Variants in PHRF1 observed in about 807,000 individuals in gnomAD.
PHRF1 encodes the protein PHD and ring finger domains 1.
In PHRF1, 53 loss-of-function variants were observed where a neutral mutation model predicts 128.9. That is an observed-to-expected ratio of 0.41 (90% CI 0.33 to 0.52). The LOEUF is 0.52. Ranked by LOEUF, PHRF1 falls within the 20% of genes least tolerant of loss-of-function variation. The pLI, the probability that PHRF1 is intolerant of heterozygous loss-of-function variation, is 0.21. For missense variants in PHRF1, 2,503 were observed against 2,284.5 expected (o/e 1.10, Z -1.95); for synonymous variants, 1,178 against 980.6 (o/e 1.20, Z -3.76).
intron 3 of PHRF1, among the ~76,000 whole-genome samples, chr11:585,890 C>G (rs1389367532): frequency 1.3e-5 from 2 of 151,860 alleles, no homozygotes; most frequent in African/African-American, 2.4e-5. Flanking sequence ...GAGACGGAGT[C>G]TTGCTCTGTT....
rs144534225 is a variant in PHRF1 at position 599,700 on chromosome 11, C to T, written c.1024+1198C>T. Among the ~76,000 whole-genome samples, 879 of 152,314 alleles carry T rather than the reference C, an allele frequency of 5.8e-3. 5 individuals carry two copies. Among genetic ancestry groups the T allele is most frequent in the African/African-American group, 0.019 (809 of 41,538 alleles). On this transcript the variant is annotated intron_variant, in intron 9 of 17. Transcript: ENST00000264555. Reference sequence around the variant, plus strand: ...CCAGCAGCCCTGTGGCCATGTGCATCACTGTGTGTCGGTCGTGCTGGTCCT... The same window carrying T: ...CCAGCAGCCCTGTGGCCATGTGCATTACTGTGTGTCGGTCGTGCTGGTCCT...
Position 611,030 on chromosome 11 carries a change from G to A in PHRF1, c.4754G>A (p.Arg1585Lys). Residue 1585 changes from arginine (R) to lysine (K), a missense_variant, in exon 17 of 18, where the codon AGG (arginine) becomes AAG (lysine). Arg to Lys is a conservative substitution (Grantham distance 26). Transcript: ENST00000264555. ...KLAIKPFYQK[R>K]EVTKEEYKDI... Reference sequence around the variant, plus strand: ...GCCATCAAGCCCTTCTACCAGAAGAGGGAGGTGACCAAGGAGGAGTACAAG... The same window carrying A: ...GCCATCAAGCCCTTCTACCAGAAGAAGGAGGTGACCAAGGAGGAGTACAAG... 2 of 1,613,480 alleles carry A rather than the reference G, an allele frequency of 1.2e-6. No homozygotes were observed. The highest frequency in any genetic ancestry group is 1.7e-6 in the Non-Finnish European group (2 of 1,179,808).
chr11:580,496 T>C (rs1378943931), intron 1 of PHRF1, among the ~76,000 whole-genome samples: 1 of 152,190 alleles, frequency 6.6e-6, no homozygotes, highest in Non-Finnish European at 1.5e-5. Flanking sequence ...CACTGGGGAC[T>C]CAGCAGCACC....
At position 608,443 on chromosome 11, in the gene PHRF1, C is replaced by G; in HGVS notation, c.2987C>G (p.Thr996Arg). The stretch of plus-strand genomic sequence containing the variant: ...AGGCCCCCTTCCCGGTCCCGCTCCA[C>G]ATCCAGCTCCCGCAGCAGGAAGAAG... ...ELRPPSRSRS[T>R]SSSRSRKKAK... The change falls in exon 14 of 18, where the codon ACA becomes AGA. Residue 996 changes from threonine to arginine, a missense_variant. Physicochemically the swap from Thr to Arg is moderately conservative, Grantham distance 71. Transcript: ENST00000264555. 1 of 1,612,442 alleles carries G rather than the reference C, an allele frequency of 6.2e-7. No homozygotes were observed. Among genetic ancestry groups the G allele is most frequent in the Non-Finnish European group, 8.5e-7 (1 of 1,179,808 alleles).
At chr11:599,478 C>T (rs933066945) in intron 9 of PHRF1, among the ~76,000 whole-genome samples, 1 of 151,880 alleles carries the variant, frequency 6.6e-6, no homozygotes, top group Non-Finnish European at 1.5e-5. Flanking sequence ...CTTGAACTCC[C>T]GACCTCAGGT....
intron 9 of PHRF1, among the ~76,000 whole-genome samples, chr11:599,796 T>G (rs1412913234): frequency 6.6e-6 from 1 of 151,622 alleles, no homozygotes; most frequent in Admixed American, 6.6e-5. Context: ...TCGGCGTCTG[T>G]GGGTCTGGTG....
chr11:604,015 T>G (rs1855803357), intron 10 of PHRF1, among the ~76,000 whole-genome samples: 1 of 152,152 alleles, frequency 6.6e-6, no homozygotes, highest in Non-Finnish European at 1.5e-5. Flanking sequence ...CTTATTTTAG[T>G]TTTAAATGCA....
intron 10 of PHRF1, 118 bp downstream of exon 10, chr11:601,819 GATC>G: frequency 7.9e-7 from 1 of 1,273,838 alleles, no homozygotes; most frequent in Non-Finnish European, 1.1e-6. Flanking sequence ...ATGGAGCAGG[GATC>G]ATCATCGTCT....
chr11:610,112 T>C lies in PHRF1; in HGVS notation c.4265-84T>C. 4 of 1,435,768 alleles carry C rather than the reference T, an allele frequency of 2.8e-6. No homozygotes were observed. The South Asian group carries it at 6.0e-5, about 22-fold the overall frequency. 88.9% of individuals were successfully genotyped at this position (1,435,768 alleles called of 1,614,324 possible). ...CTCTGTGGTCCTTGCTCCTGGTGCT[T>C]TTCTGGATTTTTCCAGCCATGAAAC... On this transcript the variant is annotated intron_variant, in intron 14 of 17. Coordinates refer to ENST00000264555, the MANE Select transcript of PHRF1 (RefSeq NM_001286581.2).
Position 610,265 on chromosome 11 carries a change from G to A in PHRF1, c.4334G>A (p.Gly1445Glu), listed in dbSNP as rs1476999173. 1.3e-6 allele frequency: 2 copies of A among 1,556,724 alleles called. No homozygotes were observed. Among genetic ancestry groups the A allele is most frequent in the Non-Finnish European group, 1.7e-6 (2 of 1,150,274 alleles). Residue 1445 changes from glycine to glutamate, a missense_variant, in exon 15 of 18, where the codon GGG (glycine) becomes GAG (glutamate). Transcript: ENST00000264555. ...AWDMEDVAPT[G>E]VRQVFSELPF... is the part of the protein sequence containing the mutation. ...GACATGGAGGATGTGGCCCCCACAGGGGTCAGGCAGGTGTTCTCCGAGCTG... is the reference window on the plus strand; with the variant it reads ...GACATGGAGGATGTGGCCCCCACAGAGGTCAGGCAGGTGTTCTCCGAGCTG...
At chr11:582,649 C>T (rs923806046) in intron 3 of PHRF1, among the ~76,000 whole-genome samples, 7 of 151,964 alleles carry the variant, frequency 4.6e-5, no homozygotes, top group Middle Eastern at 3.4e-3. Context: ...CTCAGCCTCC[C>T]GAGTAGCTGG....
chr11:591,961 G>C (rs1261894506), intron 5 of PHRF1, among the ~76,000 whole-genome samples: 1 of 150,724 alleles, frequency 6.6e-6, no homozygotes, highest in Admixed American at 6.6e-5. Context: ...TTTTGCCCAG[G>C]CTGGAGTGCA....
chr11:581,605 T>C lies in PHRF1; in HGVS notation c.93T>C (p.Phe31=), dbSNP rs369756671. 1.1e-5 allele frequency: 17 copies of C among 1,612,038 alleles called. No homozygotes were observed. Among genetic ancestry groups the C allele is most frequent in the African/African-American group, 2.7e-5 (2 of 74,888 alleles). ...QVGPADPAGD[F]EESSVGSSGD... is the part of the protein sequence containing the mutation. ...GCCCTGCGGACCCGGCAGGTGACTT[T>C]GGTGAGCTGCCTAGCGCCGGGTAGG... The change falls in exon 2 of 18, where the codon TTT becomes TTC. Residue 31 remains phenylalanine (F), a splice_region_variant and synonymous_variant. Coordinates refer to ENST00000264555, the MANE Select transcript of PHRF1 (RefSeq NM_001286581.2).
chr11:577,120 C>T (rs572801134), intron 1 of PHRF1, among the ~76,000 whole-genome samples: 5 of 152,360 alleles, frequency 3.3e-5, no homozygotes, highest in East Asian at 1.9e-4. Context: ...TCTGCATGTC[C>T]ACAGGCCTGT....
intron 9 of PHRF1, among the ~76,000 whole-genome samples, chr11:599,253 C>CTTTTTTTTTTTTTTTTTTTTT (rs754658303): frequency 2.9e-5 from 3 of 104,980 alleles, no homozygotes; most frequent in Admixed American, 2.2e-4. Flanking sequence ...TTTTTCTTTT[C>CTTTTTTTTTTTTTTTTTTTTT]TTTTTTTTTT....
In PHRF1 at chr11:608,238, C is replaced by T. The variant is rs199899831; in HGVS notation, c.2782C>T (p.Leu928=). ...AGAGGAGCCCACAGAGAGCCAGGGC[C>T]TGGCTGCCCGGCTGCGGAGGCCATC... ...EREEPTESQG[L]AARLRRPSPP... Residue 928 remains leucine (L), a synonymous_variant, in exon 14 of 18, where the codon CTG becomes TTG. Transcript: ENST00000264555. The T allele has an allele frequency of 5.5e-5, 88 of 1,610,000 alleles. No individual in the cohort carries two copies. The Admixed American group carries it at 5.7e-4, about 10-fold the overall frequency.
chr11:584,969 C>G (rs1287055026), intron 3 of PHRF1, among the ~76,000 whole-genome samples: 1 of 152,248 alleles, frequency 6.6e-6, no homozygotes, highest in Non-Finnish European at 1.5e-5. Context: ...AACTCCTGAC[C>G]TCAGGTGATC....
chr11:596,436 C>A (rs1026930876), intron 6 of PHRF1, among the ~76,000 whole-genome samples: 1 of 152,212 alleles, frequency 6.6e-6, no homozygotes, highest in African/African-American at 2.4e-5. Flanking sequence ...GACAAGCTCT[C>A]TGGGAAGGGG....
intron 4 of PHRF1, among the ~76,000 whole-genome samples, chr11:589,620 C>T (rs1200490786): frequency 6.6e-6 from 1 of 152,234 alleles, no homozygotes; most frequent in Non-Finnish European, 1.5e-5. Flanking sequence ...GGGGGCTGCT[C>T]ACAGCACACA....
Sources: allele counts gnomAD v4.1 joint callset (sites outside exome capture counted in the v4.1 genomes callset), GRCh38; gene constraint gnomAD v4.1.1; transcripts MANE v1.5; gene names NCBI Gene and HGNC (gene_info 2026-07-23, HGNC 2026-07-21).